The following CUBN variants were observed in gnomAD, a reference collection of about 807,000 sequenced individuals.
CUBN encodes cubilin.
CUBN carries 282 observed loss-of-function variants against 405.3 expected under a neutral mutation model. That is an observed-to-expected ratio of 0.70 (90% CI 0.63 to 0.77). CUBN has a LOEUF of 0.77. Ranked by LOEUF, CUBN falls within the 30% of genes least tolerant of loss-of-function variation. The pLI is 0.00. For missense variants in CUBN, 4,514 were observed against 4,475.2 expected (o/e 1.01, Z -0.25); for synonymous variants, 1,684 against 1,617.0 (o/e 1.04, Z -0.99).
At chr10:17,115,795 T>C (rs147569151) in intron 6 of CUBN, among the ~76,000 whole-genome samples, 198 bp from the exon 7 acceptor site, 84 of 152,332 alleles carry the variant, frequency 5.5e-4, no homozygotes, top group Non-Finnish European at 9.8e-4. Context: ...ATTGAGTAAA[T>C]ACAATGTTGG....
intron 31 of CUBN, among the ~76,000 whole-genome samples, chr10:16,961,768 G>A (rs1215496318): frequency 8.4e-5 from 12 of 142,700 alleles, no homozygotes; most frequent in Admixed American, 8.0e-4. Flanking sequence ...CTGGAGTGCA[G>A]TGGCGGGATC....
chr10:16,906,361 G>T lies in CUBN; in HGVS notation c.7754C>A (p.Pro2585His), dbSNP rs1295446923. The T allele has an allele frequency of 6.2e-7, 1 of 1,614,036 alleles. No individual in the cohort carries two copies. Among genetic ancestry groups the T allele is most frequent in the Admixed American group, 1.7e-5 (1 of 60,026 alleles). ...PNTPEGNFTS[P>H]GYDGVRNYSR... The stretch of plus-strand genomic sequence containing the variant: ...GTAATTCCTGACTCCGTCATAGCCA[G>T]GAGAAGTAAAGTTTCCTTCAGGAGT... The change falls in exon 50 of 67, where the codon CCT (proline) becomes CAT (histidine). Residue 2585 changes from proline to histidine, a missense_variant. By Grantham distance (77) the Pro-to-His change is moderately conservative. Coordinates refer to ENST00000377833, the MANE Select transcript of CUBN (RefSeq NM_001081.4).
chr10:17,067,994 T>C (rs940001973), intron 21 of CUBN, 70 bp downstream of exon 21: 1 of 1,288,470 alleles, frequency 7.8e-7, no homozygotes, highest in African/African-American at 1.5e-5. Flanking sequence ...TGGTCAATTT[T>C]AAGATCCTTC....
intron 36 of CUBN, among the ~76,000 whole-genome samples, chr10:16,940,543 T>A (rs763015805): frequency 6.6e-6 from 1 of 152,130 alleles, no homozygotes; most frequent in Non-Finnish European, 1.5e-5. Flanking sequence ...AGTTATAAAG[T>A]GGCGTTTAAG....
intron 34 of CUBN, among the ~76,000 whole-genome samples, chr10:16,949,166 C>G (rs554331918): frequency 6.6e-6 from 1 of 152,306 alleles, no homozygotes; most frequent in Admixed American, 6.5e-5. Flanking sequence ...GTACTCAGCG[C>G]AAGGTATTGC....
chr10:17,110,981 A>G lies in CUBN; in HGVS notation c.953T>C (p.Val318Ala). The change falls in exon 9 of 67, where the codon GTG becomes GCG. Residue 318 changes from valine to alanine, a missense_variant. Physicochemically the swap from Val to Ala is moderately conservative, Grantham distance 64. Around this residue, in one of 5 missense-constraint regions of CUBN, gnomAD observed 1,448 missense variants for 1,388.0 expected, o/e 1.04. Coordinates refer to ENST00000377833, the MANE Select transcript of CUBN (RefSeq NM_001081.4). Reference protein sequence around the residue: ...ECEINNGGCSVAPPVECVNTP... With the variant: ...ECEINNGGCSAAPPVECVNTP... The stretch of plus-strand genomic sequence containing the variant: ...ATTCACACACTCAACGGGTGGAGCC[A>G]CAGAACAGCCGCCGTTATTTATCTC... 6.2e-7 allele frequency: 1 copy of G among 1,614,232 alleles called. No individual in the cohort carries two copies. Among genetic ancestry groups the G allele is most frequent in the East Asian group, 2.2e-5 (1 of 44,888 alleles).
At chr10:17,044,007 T>G (rs768571648) in intron 25 of CUBN, 24 bp from the exon 26 acceptor site, 19 of 1,602,942 alleles carry the variant, frequency 1.2e-5, no homozygotes, top group Admixed American at 3.3e-5. Flanking sequence ...TTTTGAATGT[T>G]AGATGGTTGA....
chr10:17,115,400 T>G (rs1366716275), intron 7 of CUBN, 71 bp downstream of exon 7: 5 of 1,595,166 alleles, frequency 3.1e-6, no homozygotes, highest in African/African-American at 1.3e-5. Context: ...TTGTATGCAG[T>G]GGGCATAGGA....
intron 56 of CUBN, among the ~76,000 whole-genome samples, chr10:16,887,390 T>C (rs1474363121): frequency 1.3e-5 from 2 of 152,246 alleles, no homozygotes; most frequent in Non-Finnish European, 2.9e-5. Flanking sequence ...CTTTAAAAAT[T>C]GGATGAAATT....
At chr10:17,073,730 G>A (rs1446069812) in intron 17 of CUBN, among the ~76,000 whole-genome samples, 1 of 152,170 alleles carries the variant, frequency 6.6e-6, no homozygotes, top group Non-Finnish European at 1.5e-5. Context: ...ACACGCGTGA[G>A]CCACTGCGCC....
intron 56 of CUBN, among the ~76,000 whole-genome samples, chr10:16,879,347 C>T (rs201338689): frequency 6.6e-6 from 1 of 151,942 alleles, no homozygotes; most frequent in Non-Finnish European, 1.5e-5. Flanking sequence ...TTTTCATTTA[C>T]AAGCCACAAG....
chr10:17,047,332 T>G (rs1249352192), intron 23 of CUBN, 82 bp downstream of exon 23: 1 of 1,191,240 alleles, frequency 8.4e-7, no homozygotes, highest in Non-Finnish European at 1.2e-6. Context: ...TTTCCATATT[T>G]TTTTCCTTAA....
chr10:17,120,161 T>G (rs888355859), intron 6 of CUBN, among the ~76,000 whole-genome samples: 2 of 152,230 alleles, frequency 1.3e-5, no homozygotes, highest in Non-Finnish European at 2.9e-5. Context: ...GTGAATACCC[T>G]GATTAACAAG....
intron 6 of CUBN, among the ~76,000 whole-genome samples, chr10:17,121,608 A>T (rs1837043582): frequency 6.6e-6 from 1 of 151,716 alleles, no homozygotes; most frequent in Admixed American, 6.6e-5. Flanking sequence ...ATGACGAGTT[A>T]ATGGATGCAG....
chr10:17,016,647 C>T (rs1365058393), intron 28 of CUBN, among the ~76,000 whole-genome samples: 1 of 152,134 alleles, frequency 6.6e-6, no homozygotes, highest in African/African-American at 2.4e-5. Context: ...GGGCCAAATT[C>T]TCCTTCCCCT....
intron 22 of CUBN, among the ~76,000 whole-genome samples, chr10:17,057,247 A>C (rs1437608272): frequency 6.6e-6 from 1 of 152,122 alleles, no homozygotes; most frequent in Non-Finnish European, 1.5e-5. Flanking sequence ...CAACGTGTTG[A>C]GGGTAGCAGC....
chr10:17,049,602 G>C (rs923375784), intron 22 of CUBN, among the ~76,000 whole-genome samples: 2 of 152,060 alleles, frequency 1.3e-5, no homozygotes, highest in Middle Eastern at 3.2e-3. Flanking sequence ...CTGAAATTTT[G>C]ATTTACTCAC....
chr10:16,859,532 C>T (rs1053853142), intron 59 of CUBN, among the ~76,000 whole-genome samples: 13 of 152,112 alleles, frequency 8.5e-5, no homozygotes, highest in Admixed American at 6.5e-5. Context: ...GCAATGGCTT[C>T]CTAATCAAAA....
intron 51 of CUBN, among the ~76,000 whole-genome samples, chr10:16,901,722 C>T (rs887790099): frequency 3.3e-5 from 5 of 151,266 alleles, no homozygotes; most frequent in South Asian, 2.1e-4. Context: ...GGCTTGGTGG[C>T]GTCTGCCTGT....
Sources: gnomAD v4.1 joint callset for allele counts (sites outside exome capture counted in the v4.1 genomes callset) on GRCh38, gnomAD v4.1.1 for gene constraint, gnomAD v4.1.1 regional missense constraint, MANE v1.5 for transcripts, NCBI Gene and HGNC (gene_info 2026-07-23, HGNC 2026-07-21) for gene names.